Variants in PARD3 observed in about 807,000 individuals in gnomAD.
PARD3 encodes par-3 family cell polarity regulator, also known as partitioning defective 3 homolog.
Under a neutral mutation model 155.4 loss-of-function variants are expected in PARD3, and 75 were observed. The ratio of observed to expected loss-of-function variants is 0.48; its 90% CI spans 0.40 to 0.58. The LOEUF is 0.58. Among genes scored for constraint, PARD3 ranks in the 20% least tolerant of loss-of-function variants. PARD3 has a pLI of 0.00. For missense variants in PARD3, 1,642 were observed against 1,721.7 expected (o/e 0.95, Z 0.82); for synonymous variants, 576 against 610.5 (o/e 0.94, Z 0.83).
At chr10:34,401,551 AAATCTTC>A (rs1286949680) in intron 6 of PARD3, among the ~76,000 whole-genome samples, 1 of 152,160 alleles carries the variant, frequency 6.6e-6, no homozygotes, top group African/African-American at 2.4e-5. Flanking sequence ...AACATGACAA[AAATCTTC>A]AATCAAATAC....
chr10:34,576,729 G>A (rs2086918317), intron 2 of PARD3, among the ~76,000 whole-genome samples: 1 of 152,108 alleles, frequency 6.6e-6, no homozygotes, highest in African/African-American at 2.4e-5. Flanking sequence ...AGATAATCCT[G>A]TAAGCTGACC....
At chr10:34,657,185 A>G (rs955807146) in intron 2 of PARD3, among the ~76,000 whole-genome samples, 4 of 152,112 alleles carry the variant, frequency 2.6e-5, no homozygotes, top group African/African-American at 9.7e-5. Flanking sequence ...GATTGAGGCC[A>G]TAAGTTTGAG....
chr10:34,239,845 C>A, intron 22 of PARD3, among the ~76,000 whole-genome samples: 1 of 151,602 alleles, frequency 6.6e-6, no homozygotes, highest in African/African-American at 2.4e-5. Context: ...GTAGAAATAC[C>A]CTACCATCTT....
intron 2 of PARD3, among the ~76,000 whole-genome samples, chr10:34,665,007 G>A (rs2093415197): frequency 6.6e-6 from 1 of 151,940 alleles, no homozygotes; most frequent in African/African-American, 2.4e-5. Context: ...GGGAGAGACA[G>A]AGACAGGGAG....
intron 22 of PARD3, among the ~76,000 whole-genome samples, chr10:34,178,723 A>C (rs1480164339): frequency 6.6e-6 from 1 of 152,198 alleles, no homozygotes; most frequent in East Asian, 1.9e-4. Context: ...AGAAAGAAAG[A>C]AAGCTCTGTG....
intron 1 of PARD3, among the ~76,000 whole-genome samples, chr10:34,708,716 A>G (rs930256650): frequency 6.6e-6 from 1 of 152,226 alleles, no homozygotes; most frequent in Non-Finnish European, 1.5e-5. Flanking sequence ...TCATTAAAAA[A>G]ATAACCTGGG....
At position 34,243,664 on chromosome 10, in the gene PARD3, C is replaced by T. The variant is rs547465805; in HGVS notation, c.3419+25993G>A. Among the ~76,000 whole-genome samples the T allele has an allele frequency of 2.6e-5, 4 of 152,204 alleles. No individual in the cohort carries two copies. In the East Asian group the frequency reaches 5.8e-4, roughly 22 times the overall value. ...CAGCCTGGCTAACATGGTGAAGCCC[C>T]GTCTCTACAAAAAATACAAAAATTG... is the stretch of plus-strand genomic sequence containing the variant. On this transcript the variant is annotated intron_variant, in intron 22 of 24. Coordinates refer to ENST00000374788, the MANE Select transcript of PARD3 (RefSeq NM_001184785.2).
At chr10:34,133,005 A>G in intron 22 of PARD3, among the ~76,000 whole-genome samples, 1 of 152,086 alleles carries the variant, frequency 6.6e-6, no homozygotes, top group African/African-American at 2.4e-5. Flanking sequence ...GGGGAAGATC[A>G]TCTTCCCACC....
At chr10:34,411,889 T>C (rs528843877) in intron 5 of PARD3, among the ~76,000 whole-genome samples, 16 of 151,888 alleles carry the variant, frequency 1.1e-4, no homozygotes, top group African/African-American at 3.1e-4. Context: ...TTTTTTTCTA[T>C]GTATTTTAAC....
At chr10:34,438,299 T>C (rs978672036) in intron 5 of PARD3, among the ~76,000 whole-genome samples, 2 of 152,228 alleles carry the variant, frequency 1.3e-5, no homozygotes, top group African/African-American at 2.4e-5. Flanking sequence ...AGAACTTACA[T>C]TTCCCTCCAT....
At chr10:34,314,230 T>G (rs1217372527) in intron 20 of PARD3, among the ~76,000 whole-genome samples, 3 of 151,696 alleles carry the variant, frequency 2.0e-5, no homozygotes, top group Non-Finnish European at 2.9e-5. Flanking sequence ...AGAATCAACC[T>G]GAGGGTATAT....
intron 1 of PARD3, among the ~76,000 whole-genome samples, chr10:34,758,410 G>C (rs540578990): frequency 6.6e-6 from 1 of 152,172 alleles, no homozygotes; most frequent in African/African-American, 2.4e-5. Flanking sequence ...AAGTGGCAGA[G>C]CATTATTCCA....
chr10:34,666,828 C>T (rs1490670291), intron 2 of PARD3, among the ~76,000 whole-genome samples: 146 of 116,482 alleles, frequency 1.3e-3, no homozygotes, highest in African/African-American at 4.4e-3. Flanking sequence ...CACACACACA[C>T]ACACACACAA....
intron 24 of PARD3, among the ~76,000 whole-genome samples, chr10:34,116,327 T>C (rs1946668636): frequency 1.3e-5 from 2 of 152,256 alleles, no homozygotes; most frequent in South Asian, 2.1e-4. Flanking sequence ...TAACTATACT[T>C]TTTTTCTGTG....
At chr10:34,564,002 T>C (rs1478243823) in intron 2 of PARD3, among the ~76,000 whole-genome samples, 1 of 152,320 alleles carries the variant, frequency 6.6e-6, no homozygotes, top group Admixed American at 6.5e-5. Context: ...ACATCTAATA[T>C]CCTGACACTT....
intron 18 of PARD3, 105 bp downstream of exon 18, chr10:34,336,094 A>G: frequency 2.6e-6 from 2 of 782,870 alleles, no homozygotes; most frequent in Non-Finnish European, 4.4e-6. Context: ...TCTGCGTAAG[A>G]CTGGAATATG....
Position 34,382,697 on chromosome 10 carries a change from C to A in PARD3, c.1242G>T (p.Gln414His). Residue 414 changes from glutamine (Q) to histidine (H), a missense_variant, in exon 9 of 25, where the codon CAG becomes CAT. Physicochemically the swap from Gln to His is conservative, Grantham distance 24. Coordinates refer to ENST00000374788, the MANE Select transcript of PARD3 (RefSeq NM_001184785.2). Reference protein sequence around the residue: ...RAPRLNHPPEQIDSHSRLPHS... With the variant: ...RAPRLNHPPEHIDSHSRLPHS... ...GAGGTAGTCTTGAGTGAGAGTCTATCTGCTCAGGCGGGTGGTTCAGTCGGG... is the reference window on the plus strand; with the variant it reads ...GAGGTAGTCTTGAGTGAGAGTCTATATGCTCAGGCGGGTGGTTCAGTCGGG... 1 of 1,614,158 alleles carries A rather than the reference C, an allele frequency of 6.2e-7. No individual in the cohort carries two copies. The highest frequency in any genetic ancestry group is 8.5e-7 in the Non-Finnish European group (1 of 1,180,030).
At chr10:34,566,631 T>C (rs888999655) in intron 2 of PARD3, among the ~76,000 whole-genome samples, 7 of 152,202 alleles carry the variant, frequency 4.6e-5, no homozygotes, top group Non-Finnish European at 7.3e-5. Context: ...AATATGTGAG[T>C]TTTTTCTCTT....
chr10:34,326,064 T>C (rs942904287), intron 19 of PARD3, among the ~76,000 whole-genome samples: 1 of 151,040 alleles, frequency 6.6e-6, no homozygotes, highest in East Asian at 2.0e-4. Flanking sequence ...GAGTTGGAGG[T>C]TGCAATGAGC....
Sources: gnomAD v4.1 joint callset for allele counts (sites outside exome capture counted in the v4.1 genomes callset) on GRCh38, gnomAD v4.1.1 for gene constraint, MANE v1.5 for transcripts, NCBI Gene and HGNC (gene_info 2026-07-23, HGNC 2026-07-21) for gene names.